Variants in CEP89 observed in about 807,000 individuals in gnomAD.
CEP89 encodes the protein centrosomal protein of 89 kDa.
In CEP89, 95 loss-of-function variants were observed where a neutral mutation model predicts 97.6. The ratio of observed to expected loss-of-function variants is 0.97; its 90% CI spans 0.82 to 1.15. The LOEUF is 1.15. CEP89 is among the 50% of genes most tolerant of loss of function. The pLI is 0.00. For missense variants in CEP89, 869 were observed against 947.7 expected, an observed-to-expected ratio of 0.92 and a Z score of 1.09; for synonymous variants, 354 against 349.1, an observed-to-expected ratio of 1.01 and a Z score of -0.16.
Position 32,926,997 on chromosome 19 carries a change from C to T in CEP89, c.1030-13G>A, listed in dbSNP as rs1178381542. The T allele has an allele frequency of 6.2e-7, 1 of 1,610,648 alleles. No individual in the cohort carries two copies. Among genetic ancestry groups the T allele is most frequent in the Admixed American group, 1.7e-5 (1 of 59,986 alleles). On this transcript the variant is annotated splice_polypyrimidine_tract_variant and intron_variant, in intron 9 of 18. Transcript: ENST00000305768. ...CAATATTTAAGCTCTAAGAACAAAA[C>T]ATGTATTGAAGACAAGTTAAACCAC...
intron 18 of CEP89, among the ~76,000 whole-genome samples, chr19:32,880,078 G>A (rs886501455): frequency 6.6e-6 from 1 of 152,226 alleles, no homozygotes; most frequent in Non-Finnish European, 1.5e-5. Flanking sequence ...GCCCTGTGGT[G>A]TGCTGGGGAG....
At chr19:32,898,881 TAAAAAAAAA>T (rs56965428) in intron 16 of CEP89, among the ~76,000 whole-genome samples, 1 of 127,518 alleles carries the variant, frequency 7.8e-6, no homozygotes, top group Non-Finnish European at 1.6e-5. Context: ...GACTCCATCT[TAAAAAAAAA>T]AAAAAAAAAA....
chr19:32,950,513 G>A (rs772936609), intron 4 of CEP89, among the ~76,000 whole-genome samples: 16 of 152,278 alleles, frequency 1.1e-4, no homozygotes, highest in South Asian at 8.3e-4. Context: ...AGCAGAAATC[G>A]TGCCATTGCA....
At chr19:32,916,521 C>T (rs1008229992) in intron 13 of CEP89, among the ~76,000 whole-genome samples, 7 of 152,166 alleles carry the variant, frequency 4.6e-5, no homozygotes, top group Non-Finnish European at 7.3e-5. Flanking sequence ...CATGGCCAAA[C>T]TAAGAACTGG....
chr19:32,955,369 C>A (rs1007934965), intron 3 of CEP89, among the ~76,000 whole-genome samples: 38 of 152,152 alleles, frequency 2.5e-4, no homozygotes, highest in African/African-American at 7.5e-4. Flanking sequence ...GCTTAACCAG[C>A]CATTTTCCTT....
chr19:32,928,224 T>G (rs1163287154), intron 9 of CEP89, among the ~76,000 whole-genome samples: 3 of 152,116 alleles, frequency 2.0e-5, no homozygotes, highest in Admixed American at 1.3e-4. Flanking sequence ...CCTCCAGCCC[T>G]TTTTAGTCTT....
At chr19:32,971,815 G>C (rs766045245) in intron 1 of CEP89, 21 bp downstream of exon 1, 46 of 1,586,090 alleles carry the variant, frequency 2.9e-5, no homozygotes, top group Non-Finnish European at 3.8e-5. Context: ...CCCCACGCGC[G>C]GCGGGCGAGC....
chr19:32,898,256 C>A (rs903565811), intron 16 of CEP89, among the ~76,000 whole-genome samples: 1 of 152,084 alleles, frequency 6.6e-6, no homozygotes, highest in African/African-American at 2.4e-5. Context: ...GAGGCCATTA[C>A]GTTAAGTAAA....
chr19:32,971,781 C>A, intron 1 of CEP89, 55 bp downstream of exon 1: 3 of 1,531,066 alleles, frequency 2.0e-6, no homozygotes, highest in Non-Finnish European at 2.7e-6. Flanking sequence ...CAACACTTTA[C>A]CCCTAATTCC....
intron 2 of CEP89, among the ~76,000 whole-genome samples, chr19:32,961,638 A>G (rs1344383972): frequency 1.3e-5 from 2 of 149,094 alleles, no homozygotes; most frequent in African/African-American, 4.9e-5. Context: ...ACCATTTTTC[A>G]TATTTTGGTT....
At chr19:32,900,604 A>G (rs986251406) in intron 15 of CEP89, among the ~76,000 whole-genome samples, 2 of 152,032 alleles carry the variant, frequency 1.3e-5, no homozygotes, top group Non-Finnish European at 2.9e-5. Flanking sequence ...TTTCTGGCTT[A>G]TGTTCTAAAA....
chr19:32,886,331 A>G (rs8104299), intron 17 of CEP89, among the ~76,000 whole-genome samples: 12,365 of 152,202 alleles, frequency 0.081, 1,574 homozygotes, highest in African/African-American at 0.27. Flanking sequence ...TGGGAGCGAC[A>G]GTTGGGCCAG....
At chr19:32,927,852 G>C (rs1359017208) in intron 9 of CEP89, among the ~76,000 whole-genome samples, 1 of 147,130 alleles carries the variant, frequency 6.8e-6, no homozygotes. Flanking sequence ...TGATCCTCCT[G>C]CCTCAGCTTC....
intron 16 of CEP89, 116 bp downstream of exon 16, chr19:32,899,741 C>T (rs1000961988): frequency 3.1e-6 from 3 of 976,266 alleles, no homozygotes; most frequent in Non-Finnish European, 3.0e-6. Flanking sequence ...AACCATCCAT[C>T]GTAAGTCAGG....
Position 32,936,470 on chromosome 19 carries a change from C to T in CEP89, c.667+1161G>A, listed in dbSNP as rs945822194. On this transcript the variant is annotated intron_variant, in intron 7 of 18. Transcript: ENST00000305768. This position sits in a 1 kb window ranked among gnomAD's most constrained non-coding sequence, Gnocchi z 4.5. ...CAGGTCCCCGGTGAGGCCCCGCCTT[C>T]AGGTCGGAGAGGGCCTGAAGGCTGG... Among the ~76,000 whole-genome samples, 1 of 152,134 alleles carries T rather than the reference C, an allele frequency of 6.6e-6. No individual in the cohort carries two copies. The highest frequency in any genetic ancestry group is 1.5e-5 in the Non-Finnish European group (1 of 68,008).
rs1229953376 is a variant in CEP89 at position 32,887,014 on chromosome 19, C to CA, written c.1965+737dup. On this transcript the variant is annotated intron_variant, in intron 17 of 18. Transcript: ENST00000305768. Reference sequence around the variant, plus strand: ...AACATAGCAAGACCTCATCTCTAAACAAAAAAAAAAAATACAAAAAAAAAA... The same window carrying CA: ...AACATAGCAAGACCTCATCTCTAAACAAAAAAAAAAAAATACAAAAAAAAAA... Among the ~76,000 whole-genome samples the CA allele has an allele frequency of 2.8e-3, 213 of 76,488 alleles. 1 individual carries two copies. The East Asian group carries it at 0.045, about 16-fold the overall frequency. 50.2% of individuals were successfully genotyped at this position (76,488 alleles called of 152,430 possible).
chr19:32,888,537 G>A (rs950414567), intron 16 of CEP89, among the ~76,000 whole-genome samples: 6 of 152,062 alleles, frequency 3.9e-5, no homozygotes, highest in African/African-American at 1.4e-4. Flanking sequence ...AAGATCTCAG[G>A]CCAGGCTTGG....
intron 17 of CEP89, among the ~76,000 whole-genome samples, chr19:32,883,079 G>C (rs900370282): frequency 2.0e-5 from 3 of 151,734 alleles, no homozygotes; most frequent in Non-Finnish European, 4.4e-5. Context: ...AGCCAGGATG[G>C]TCTCAATCTC....
At chr19:32,954,345 T>C (rs1971000982) in intron 3 of CEP89, among the ~76,000 whole-genome samples, 1 of 150,686 alleles carries the variant, frequency 6.6e-6, no homozygotes, top group Admixed American at 6.8e-5. Context: ...ATTTGTCTTG[T>C]TATGAATAAG....
Sources: allele counts gnomAD v4.1 joint callset (sites outside exome capture counted in the v4.1 genomes callset), GRCh38; gene constraint gnomAD v4.1.1; non-coding constraint Gnocchi (gnomAD v3.1); transcripts MANE v1.5; gene names NCBI Gene and HGNC (gene_info 2026-07-23, HGNC 2026-07-21).